SHROOM1: variants seen among roughly 807,000 people sequenced by gnomAD.
SHROOM1 encodes protein Shroom1.
A neutral mutation model predicts 64.2 loss-of-function variants in SHROOM1; 53 were observed. The ratio of observed to expected loss-of-function variants is 0.83; its 90% CI spans 0.66 to 1.04. The LOEUF is 1.04. Ranked by LOEUF, SHROOM1 falls within the 50% of genes least tolerant of loss-of-function variation. The pLI is 0.00. For synonymous variants in SHROOM1, 490 were observed against 518.9 expected (o/e 0.94, Z 0.76); for missense variants, 1,179 against 1,163.2 (o/e 1.01, Z -0.20).
In SHROOM1 at chr5:132,825,076, G is replaced by A; in HGVS notation, c.979-3C>T. ...GTTTCTGCTCCTTGGGGAACAGCCT[G>A]GAAGGGTGAACAGTCGACTGAAATG... On this transcript the variant is annotated splice_polypyrimidine_tract_variant and splice_region_variant and intron_variant, in intron 4 of 9. Transcript: ENST00000378679. This position sits in a 1 kb window ranked among gnomAD's most constrained non-coding sequence, Gnocchi z 5.1. 6.2e-7 allele frequency: 1 copy of A among 1,614,100 alleles called. No individual in the cohort carries two copies. The highest frequency in any genetic ancestry group is 1.6e-4 in the Middle Eastern group (1 of 6,062).
rs758095345 is a variant in SHROOM1 at position 132,825,251 on chromosome 5, G to T, written c.890C>A (p.Ala297Asp). 8 of 1,613,798 alleles carry T rather than the reference G, an allele frequency of 5.0e-6. No homozygotes were observed. The highest frequency in any genetic ancestry group is 6.8e-6 in the Non-Finnish European group (8 of 1,179,972). The part of the protein sequence containing the change: ...LDSGSLKLGD[A>D]FRPASRSRSA... The stretch of plus-strand genomic sequence containing the variant: ...CCGACTCCGACTGGCGGGCCTGAAG[G>T]CATCACCGAGCTTCAAGGACCCGGA... Residue 297 changes from alanine to aspartate, a missense_variant, in exon 4 of 10, where the codon GCC (alanine) becomes GAC (aspartate). By Grantham distance (126) the Ala-to-Asp change is moderately radical. Transcript: ENST00000378679. This position sits in a 1 kb window ranked among gnomAD's most constrained non-coding sequence, Gnocchi z 5.1.
intron 1 of SHROOM1, chr5:132,829,910 G>C (rs1758799006): frequency 2.0e-6 from 2 of 985,316 alleles, no homozygotes; most frequent in South Asian, 9.4e-5. Flanking sequence ...CGGGCTCATC[G>C]GTCGCTGCAC....
chr5:132,824,918 G>C, intron 5 of SHROOM1, 97 bp from the exon 6 acceptor site: 1 of 1,600,398 alleles, frequency 6.2e-7, no homozygotes, highest in Non-Finnish European at 8.5e-7. Flanking sequence ...TAACCAGAAG[G>C]CTCAGACTGA....
chr5:132,824,416 G>T lies in SHROOM1; in HGVS notation c.1245C>A (p.Val415=), dbSNP rs1428550183. Residue 415 remains valine, a synonymous_variant, in exon 7 of 10, where the codon GTC becomes GTA. Transcript: ENST00000378679. ...PHASQGPPAS[V]HASDQPYGTG... is the part of the protein sequence containing the mutation. The stretch of plus-strand genomic sequence containing the variant: ...TTCCATACGGCTGGTCAGAGGCATG[G>T]ACACTGGAAGCAGAAAAGACACTGA... 2.4e-5 allele frequency: 37 copies of T among 1,530,550 alleles called. No homozygotes were observed. Among genetic ancestry groups the T allele is most frequent in the Non-Finnish European group, 3.0e-5 (34 of 1,141,934 alleles). The allele number at this position is 1,530,550 out of a possible 1,614,324, so 94.8% of individuals were successfully genotyped here.
Position 132,825,675 on chromosome 5 carries a change from T to C in SHROOM1, c.466A>G (p.Thr156Ala). The change falls in exon 4 of 10, where the codon ACG (threonine) becomes GCG (alanine). Residue 156 changes from threonine to alanine, a missense_variant. Transcript: ENST00000378679. This position sits in a 1 kb window ranked among gnomAD's most constrained non-coding sequence, Gnocchi z 5.1. Reference sequence around the variant, plus strand: ...CGGAGCTCCTTGCGCTGGAACGACGTCTCCCGGAGCACTCGCCGCTGCGCG... The same window carrying C: ...CGGAGCTCCTTGCGCTGGAACGACGCCTCCCGGAGCACTCGCCGCTGCGCG... Reference protein sequence around the residue: ...QGAQRRVLRETSFQRKELRMS... With the variant: ...QGAQRRVLREASFQRKELRMS... 1 of 1,357,294 alleles carries C rather than the reference T, an allele frequency of 7.4e-7. No individual in the cohort carries two copies. The highest frequency in any genetic ancestry group is 9.4e-7 in the Non-Finnish European group (1 of 1,060,082). 84.1% of individuals were successfully genotyped at this position (1,357,294 alleles called of 1,614,324 possible). A position where few individuals can be genotyped will look rare whatever the true frequency, so the allele number is the denominator to read the frequency against.
At position 132,822,981 on chromosome 5, in the gene SHROOM1, G is replaced by A. The variant is rs1758499005; in HGVS notation, c.2374C>T (p.Leu792=). 6.2e-7 allele frequency: 1 copy of A among 1,608,772 alleles called. No individual in the cohort carries two copies. Among genetic ancestry groups the A allele is most frequent in the Non-Finnish European group, 8.5e-7 (1 of 1,179,776 alleles). The part of the protein sequence containing the change: ...PVEELRVYCA[L]LAGKAAVLAQ... ...AGGACGGCGGCCTTGCCCGCCAGCA[G>A]GGCGCAATAGACGCGCAGCTCCTCC... The change falls in exon 10 of 10, where the codon CTG becomes TTG. Residue 792 remains leucine (L), a synonymous_variant. Transcript: ENST00000378679.
Position 132,825,294 on chromosome 5 carries a change from C to G in SHROOM1, c.847G>C (p.Gly283Arg). The part of the protein sequence containing the change: ...VGWLPETQPQ[G>R]SMNLDSGSLK... ...GACCCGGAGTCCAGGTTCATGGAGC[C>G]TTGGGGTTGCGTCTCGGGCAGCCAT... is the stretch of plus-strand genomic sequence containing the variant. Residue 283 changes from glycine (G) to arginine (R), a missense_variant, in exon 4 of 10, where the codon GGC becomes CGC. Physicochemically the swap from Gly to Arg is moderately radical, Grantham distance 125. Transcript: ENST00000378679. The surrounding 1 kb of genome is among the most constrained non-coding windows in gnomAD (Gnocchi z 5.1). 1 of 1,612,804 alleles carries G rather than the reference C, an allele frequency of 6.2e-7. No homozygotes were observed. The highest frequency in any genetic ancestry group is 8.5e-7 in the Non-Finnish European group (1 of 1,179,878).
At chr5:132,828,402 T>C (rs1226666502) in intron 1 of SHROOM1, among the ~76,000 whole-genome samples, 1 of 152,108 alleles carries the variant, frequency 6.6e-6, no homozygotes, top group East Asian at 1.9e-4. Flanking sequence ...TGGGGACCTC[T>C]TTTGCAAAGT....
rs764921229 is a variant in SHROOM1, at chr5:132,824,033, T to C, written c.1628A>G (p.Glu543Gly). The C allele has an allele frequency of 6.2e-7, 1 of 1,608,486 alleles. No individual in the cohort carries two copies. Among genetic ancestry groups the C allele is most frequent in the South Asian group, 1.1e-5 (1 of 90,006 alleles). The change falls in exon 7 of 10, where the codon GAG (glutamate) becomes GGG (glycine). Residue 543 changes from glutamate (E) to glycine (G), a missense_variant. By Grantham distance (98) the Glu-to-Gly change is moderately conservative. Transcript: ENST00000378679. ...TCTGGCCAGCTCCTGAACCAGCTCCTCGAGGCACTGACTAGGCCATGTGGG... is the reference window on the plus strand; with the variant it reads ...TCTGGCCAGCTCCTGAACCAGCTCCCCGAGGCACTGACTAGGCCATGTGGG... ...SRPTWPSQCLEELVQELARLD... is the reference protein window; with the variant it reads ...SRPTWPSQCLGELVQELARLD...
At chr5:132,827,968 G>A (rs1282276923) in intron 1 of SHROOM1, among the ~76,000 whole-genome samples, 1 of 152,148 alleles carries the variant, frequency 6.6e-6, no homozygotes, top group African/African-American at 2.4e-5. Flanking sequence ...GTCAGGGTAA[G>A]AGAAATTTTG....
At chr5:132,827,080 G>A (rs1758726384) in intron 2 of SHROOM1, among the ~76,000 whole-genome samples, 1 of 152,210 alleles carries the variant, frequency 6.6e-6, no homozygotes, top group Non-Finnish European at 1.5e-5. Flanking sequence ...TAGGAATGAT[G>A]GGCCGACCCC....
Position 132,830,430 on chromosome 5 carries a change from C to G in SHROOM1, c.-501+164G>C. 1 of 985,026 alleles carries G rather than the reference C, an allele frequency of 1.0e-6. No homozygotes were observed. The highest frequency in any genetic ancestry group is 4.7e-5 in the South Asian group (1 of 21,282). The allele number at this position is 985,026 out of a possible 1,614,324, so 61.0% of individuals were successfully genotyped here. On this transcript the variant is annotated intron_variant, in intron 1 of 9. Coordinates refer to ENST00000378679, the MANE Select transcript of SHROOM1 (RefSeq NM_001172700.2). The surrounding 1 kb of genome is among the most constrained non-coding windows in gnomAD (Gnocchi z 5.9). ...GTCCGACTCCACTGGCGCAACCTGA[C>G]GCGGCGCCGAGCCAGACACGTCCCG...
chr5:132,825,928 G>A lies in SHROOM1; in HGVS notation c.213C>T (p.Gly71=). 3 of 1,380,998 alleles carry A rather than the reference G, an allele frequency of 2.2e-6. No individual in the cohort carries two copies. Among genetic ancestry groups the A allele is most frequent in the Admixed American group, 3.5e-5 (1 of 28,232 alleles). The allele number at this position is 1,380,998 out of a possible 1,614,324, so 85.5% of individuals were successfully genotyped here. A position where few individuals can be genotyped will look rare whatever the true frequency, so the allele number is the denominator to read the frequency against. ...AAAGGGCAGCGTCGGGCGGGGCGGG[G>A]CCCGGGCCGCCCCAAACCACACGCA... ...DYVRVVWGGP[G]PAPPDAALCT... Residue 71 remains glycine (G), a synonymous_variant, in exon 4 of 10, where the codon GGC becomes GGT. Coordinates refer to ENST00000378679, the MANE Select transcript of SHROOM1 (RefSeq NM_001172700.2). The surrounding 1 kb of genome is among the most constrained non-coding windows in gnomAD (Gnocchi z 5.1).
rs755975367 is a variant in SHROOM1, at chr5:132,825,022, A to G, written c.1030T>C (p.Ser344Pro). ...TPRPLFQTKL[S>P]RFLPQKEAAV... ...AGAGTGGTCCGTGTCTCTCACCTGG[A>G]AAGTTTGGTCTGAAACAATGGTCTG... Residue 344 changes from serine (S) to proline (P), a missense_variant, in exon 5 of 10, where the codon TCC (serine) becomes CCC (proline). Transcript: ENST00000378679. The surrounding 1 kb of genome is among the most constrained non-coding windows in gnomAD (Gnocchi z 5.1). 2.5e-5 allele frequency: 40 copies of G among 1,613,956 alleles called. 2 individuals are homozygous for G. The highest frequency in any genetic ancestry group is 1.8e-4 in the South Asian group (16 of 91,072).
intron 2 of SHROOM1, among the ~76,000 whole-genome samples, chr5:132,826,905 C>T (rs1397137659): frequency 1.3e-5 from 2 of 152,232 alleles, no homozygotes; most frequent in Non-Finnish European, 2.9e-5. Context: ...TTCCTAGAAG[C>T]AAGCCCTGCT....
Position 132,825,548 on chromosome 5 carries a change from G to T in SHROOM1, c.593C>A (p.Pro198Gln), listed in dbSNP as rs772744373. 1 of 1,427,768 alleles carries T rather than the reference G, an allele frequency of 7.0e-7. No homozygotes were observed. Among genetic ancestry groups the T allele is most frequent in the Non-Finnish European group, 9.1e-7 (1 of 1,098,980 alleles). The allele number at this position is 1,427,768 out of a possible 1,614,324, so 88.4% of individuals were successfully genotyped here. The change falls in exon 4 of 10, where the codon CCG becomes CAG. Residue 198 changes from proline (P) to glutamine (Q), a missense_variant. Transcript: ENST00000378679. The surrounding 1 kb of genome is among the most constrained non-coding windows in gnomAD (Gnocchi z 5.1). ...SLSHPGGEGEPARSRAPAPGT... is the reference protein window; with the variant it reads ...SLSHPGGEGEQARSRAPAPGT... ...TGGCGCGGGAGCCCGGGAGCGCGCC[G>T]GCTCCCCCTCCCCGCCCGGGTGGCT...
At position 132,829,990 on chromosome 5, in the gene SHROOM1, C is replaced by G. The variant is rs1326720194; in HGVS notation, c.-501+604G>C. 4 of 985,342 alleles carry G rather than the reference C, an allele frequency of 4.1e-6. No individual in the cohort carries two copies. The African/African-American group carries it at 5.2e-5, about 13-fold the overall frequency. 61.0% of individuals were successfully genotyped at this position (985,342 alleles called of 1,614,324 possible). ...AGGAAATGCAGGAAGCTGGCGACAC[C>G]CGGGGAGAGGCGGCCGCGGGCGTGG... On this transcript the variant is annotated intron_variant, in intron 1 of 9. Coordinates refer to ENST00000378679, the MANE Select transcript of SHROOM1 (RefSeq NM_001172700.2).
At chr5:132,829,900 C>G (rs1402819940) in intron 1 of SHROOM1, 7 of 985,354 alleles carry the variant, frequency 7.1e-6, no homozygotes, top group Non-Finnish European at 8.4e-6. Context: ...GACTGGTTTA[C>G]GGGCTCATCG....
In SHROOM1 at chr5:132,825,834, T is replaced by A. The variant is rs543156980; in HGVS notation, c.307A>T (p.Thr103Ser). 2.5e-4 allele frequency: 321 copies of A among 1,260,952 alleles called. No homozygotes were observed. Among genetic ancestry groups the A allele is most frequent in the Middle Eastern group, 1.7e-3 (6 of 3,574 alleles). The allele number at this position is 1,260,952 out of a possible 1,614,324, so 78.1% of individuals were successfully genotyped here. ...GCCTGCCTGTTCAGTGGTCCCGGGG[T>A]CCCCGGGACCTCTGTTGGCTGCGGC... ...SGPQPTEVPG[T>S]PGPLNRQATP... The change falls in exon 4 of 10, where the codon ACC (threonine) becomes TCC (serine). Residue 103 changes from threonine (T) to serine (S), a missense_variant. Thr to Ser is a moderately conservative substitution (Grantham distance 58, BLOSUM62 1). Transcript: ENST00000378679. The surrounding 1 kb of genome is among the most constrained non-coding windows in gnomAD (Gnocchi z 5.1).
Sources: allele counts gnomAD v4.1 joint callset (sites outside exome capture counted in the v4.1 genomes callset), GRCh38; gene constraint gnomAD v4.1.1; non-coding constraint Gnocchi (gnomAD v3.1); transcripts MANE v1.5; gene names NCBI Gene and HGNC (gene_info 2026-07-23, HGNC 2026-07-21).